Variants in LOC122539214 observed in about 807,000 individuals in gnomAD.
chr19:52,687,649 ATATATATAATG>A, the LOC122539214 span, among the ~76,000 whole-genome samples: 3 of 38,626 alleles, frequency 7.8e-5, no homozygotes, highest in Non-Finnish European at 1.2e-4. Flanking sequence ...ATATATATAT[ATATATATAATG>A]TATATATATA....
At chr19:52,654,549 T>C in the LOC122539214 span, 1 of 428,924 alleles carries the variant, frequency 2.3e-6, no homozygotes, top group Non-Finnish European at 4.0e-6. Flanking sequence ...ACACCCTGTC[T>C]CTATTAAAAA....
At chr19:52,669,724 C>A in the LOC122539214 span, among the ~76,000 whole-genome samples, 4 of 152,110 alleles carry the variant, frequency 2.6e-5, no homozygotes, top group African/African-American at 7.2e-5. Flanking sequence ...AGAATAGTAG[C>A]CTCAATTCTT....
the LOC122539214 span, among the ~76,000 whole-genome samples, chr19:52,686,459 CATATAT>C: frequency 1.1e-3 from 157 of 143,110 alleles, no homozygotes; most frequent in African/African-American, 3.0e-3. Context: ...AAAAAAATTA[CATATAT>C]ATATATATAT....
At chr19:52,673,078 G>A in the LOC122539214 span, among the ~76,000 whole-genome samples, 7 of 152,230 alleles carry the variant, frequency 4.6e-5, no homozygotes, top group African/African-American at 9.6e-5. Context: ...AAAACTGGAT[G>A]TGAGCCTGTA....
At chr19:52,653,019 G>A in the LOC122539214 span, 6 of 1,437,890 alleles carry the variant, frequency 4.2e-6, no homozygotes, top group Admixed American at 1.7e-5. Context: ...GTTGTGCAAG[G>A]TTTGACTGTT....
the LOC122539214 span, among the ~76,000 whole-genome samples, chr19:52,687,598 T>G: frequency 3.9e-5 from 1 of 25,370 alleles, no homozygotes. Context: ...ATATATATAA[T>G]GTATATATAT....
chr19:52,679,453 A>G, the LOC122539214 span, among the ~76,000 whole-genome samples: 1 of 152,168 alleles, frequency 6.6e-6, no homozygotes, highest in Non-Finnish European at 1.5e-5. Context: ...TCTACTAAAA[A>G]TACAAAAACT....
the LOC122539214 span, among the ~76,000 whole-genome samples, chr19:52,673,236 G>A: frequency 6.6e-6 from 1 of 152,140 alleles, no homozygotes; most frequent in Non-Finnish European, 1.5e-5. Flanking sequence ...GCTGGGCACA[G>A]TGGCTCATGC....
chr19:52,660,688 CG>C, the LOC122539214 span: 1 of 166,968 alleles, frequency 6.0e-6, no homozygotes, highest in Non-Finnish European at 1.3e-5. Context: ...TTCAGACTCA[CG>C]GAAGTCTGCC....
the LOC122539214 span, among the ~76,000 whole-genome samples, chr19:52,678,144 TG>T: frequency 6.6e-6 from 1 of 151,810 alleles, no homozygotes; most frequent in African/African-American, 2.4e-5. Context: ...CTAACTAAAA[TG>T]GTTGCATATG....
At chr19:52,687,049 C>T in the LOC122539214 span, among the ~76,000 whole-genome samples, 40 of 151,620 alleles carry the variant, frequency 2.6e-4, no homozygotes, top group South Asian at 6.7e-3. Context: ...AGAGTGGTGG[C>T]GCATGCCTGT....
the LOC122539214 span, chr19:52,654,255 A>G: frequency 1.3e-6 from 2 of 1,563,004 alleles, no homozygotes; most frequent in Middle Eastern, 3.4e-4. Context: ...ACTGAAACTC[A>G]AAGTCATGAA....
the LOC122539214 span, among the ~76,000 whole-genome samples, chr19:52,666,168 A>AAC: frequency 5.9e-5 from 9 of 151,532 alleles, no homozygotes; most frequent in African/African-American, 2.2e-4. Context: ...CATCTCAAAA[A>AAC]AAAAAAAAAA....
the LOC122539214 span, among the ~76,000 whole-genome samples, chr19:52,667,585 T>A: frequency 2.0e-5 from 3 of 152,286 alleles, no homozygotes; most frequent in Admixed American, 1.3e-4. Flanking sequence ...ATTAAAAAAA[T>A]TTGTTTTAAA....
chr19:52,665,327 G>A, the LOC122539214 span, among the ~76,000 whole-genome samples: 6 of 151,974 alleles, frequency 3.9e-5, no homozygotes, highest in Admixed American at 2.6e-4. Context: ...GGGGTAGGAG[G>A]ATAGCTGAGC....
the LOC122539214 span, chr19:52,660,744 TGAGGA>T: frequency 4.9e-6 from 1 of 205,052 alleles, no homozygotes; most frequent in Admixed American, 4.7e-5. Flanking sequence ...AAGAATCCAC[TGAGGA>T]ATATCACTTT....
At chr19:52,650,866 A>T in the LOC122539214 span, 1 of 152,224 alleles carries the variant, frequency 6.6e-6, no homozygotes. Flanking sequence ...AGCAGAAGAA[A>T]GCTACATCAA....
the LOC122539214 span, among the ~76,000 whole-genome samples, chr19:52,681,962 C>A: frequency 6.6e-6 from 1 of 152,160 alleles, no homozygotes; most frequent in Non-Finnish European, 1.5e-5. Context: ...ATTCTCCTGC[C>A]TCAGCCTCCC....
chr19:52,688,950 GAAA>G, the LOC122539214 span, among the ~76,000 whole-genome samples: 18,935 of 126,806 alleles, frequency 0.15, 1,388 homozygotes, highest in Middle Eastern at 0.2. Flanking sequence ...AAGGTTGAAG[GAAA>G]AAAAAAAAAA....
Sources: gnomAD v4.1 joint callset for allele counts (sites outside exome capture counted in the v4.1 genomes callset) on GRCh38, gnomAD v4.1.1 for gene constraint, MANE v1.5 for transcripts.